Variants in GRIN3A observed in about 807,000 individuals in gnomAD.
GRIN3A encodes the protein glutamate receptor ionotropic, NMDA 3A.
Under a neutral mutation model 92.4 loss-of-function variants are expected in GRIN3A, and 47 were observed. The ratio of observed to expected loss-of-function variants is 0.51; its 90% CI spans 0.40 to 0.65. The LOEUF is 0.65. GRIN3A is among the 30% of genes least tolerant of loss of function. The probability of loss-of-function intolerance (pLI) is 0.00; values close to 1 mark genes in which losing one functional copy is unlikely to be tolerated. For synonymous variants in GRIN3A, 527 were observed against 540.6 expected (o/e 0.97, Z 0.35); for missense variants, 1,324 against 1,393.1 (o/e 0.95, Z 0.79).
chr9:101,633,564 G>A (rs1004815886), intron 3 of GRIN3A, among the ~76,000 whole-genome samples: 3 of 152,184 alleles, frequency 2.0e-5, no homozygotes, highest in Non-Finnish European at 4.4e-5. Flanking sequence ...ACAGCCATGG[G>A]CAAGTGAGCA....
chr9:101,650,805 C>A (rs1564135594), intron 3 of GRIN3A, among the ~76,000 whole-genome samples: 1 of 151,938 alleles, frequency 6.6e-6, no homozygotes, highest in Non-Finnish European at 1.5e-5. Flanking sequence ...TTACCTCTGC[C>A]TGGAATTCCA....
intron 3 of GRIN3A, among the ~76,000 whole-genome samples, chr9:101,633,699 G>C (rs1311800661): frequency 2.0e-5 from 3 of 152,158 alleles, no homozygotes; most frequent in Non-Finnish European, 2.9e-5. Flanking sequence ...AGAATCTAAT[G>C]ATAAATGTAA....
intron 6 of GRIN3A, among the ~76,000 whole-genome samples, chr9:101,610,640 A>C (rs2118842411): frequency 6.7e-6 from 1 of 149,848 alleles, no homozygotes; most frequent in Admixed American, 6.7e-5. Flanking sequence ...ATCTATCTAC[A>C]TTTTTATCCT....
intron 4 of GRIN3A, among the ~76,000 whole-genome samples, 168 bp downstream of exon 4, chr9:101,628,088 A>T (rs1469590721): frequency 6.6e-6 from 1 of 152,206 alleles, no homozygotes. Context: ...AATTAAATAC[A>T]CACTATTTCA....
chr9:101,715,316 G>A (rs1002002163), intron 1 of GRIN3A, among the ~76,000 whole-genome samples: 4 of 152,054 alleles, frequency 2.6e-5, no homozygotes, highest in Admixed American at 2.0e-4. Context: ...CATTACATGG[G>A]AAATACTGGC....
At chr9:101,586,948 C>T (rs1003395016) in intron 6 of GRIN3A, among the ~76,000 whole-genome samples, 1 of 152,158 alleles carries the variant, frequency 6.6e-6, no homozygotes, top group African/African-American at 2.4e-5. Context: ...CTTCATCTGT[C>T]ACTCTCTTTC....
chr9:101,651,636 T>TTGTG (rs57126529), intron 3 of GRIN3A, among the ~76,000 whole-genome samples: 74,235 of 145,732 alleles, frequency 0.51, 18,453 homozygotes, highest in East Asian at 0.6. Context: ...AATAAATCCA[T>TTGTG]TGTGTGTGTG....
chr9:101,617,949 C>A (rs963579663), intron 5 of GRIN3A, among the ~76,000 whole-genome samples: 71 of 151,982 alleles, frequency 4.7e-4, no homozygotes, highest in Non-Finnish European at 8.2e-4. Flanking sequence ...TTTCCAATTT[C>A]ATCCATGTCC....
chr9:101,672,527 T>C (rs1029913131), intron 2 of GRIN3A, among the ~76,000 whole-genome samples: 8 of 152,252 alleles, frequency 5.3e-5, no homozygotes, highest in African/African-American at 1.9e-4. Flanking sequence ...AAAAATCAGA[T>C]GATGTAAGTG....
chr9:101,606,417 A>G (rs1828282183), intron 6 of GRIN3A, among the ~76,000 whole-genome samples: 1 of 152,018 alleles, frequency 6.6e-6, no homozygotes, highest in South Asian at 2.1e-4. Context: ...TCACTGTCGG[A>G]TGGCTGTACC....
chr9:101,598,411 G>C (rs934187260), intron 6 of GRIN3A, among the ~76,000 whole-genome samples: 10 of 152,030 alleles, frequency 6.6e-5, no homozygotes, highest in African/African-American at 2.2e-4. Flanking sequence ...GAATTAATTA[G>C]GTTAAAAAGA....
chr9:101,583,168 C>T lies in GRIN3A; in HGVS notation c.2767-3808G>A, dbSNP rs374865889. On this transcript the variant is annotated intron_variant, in intron 6 of 8. Transcript: ENST00000361820. ...CCCAAGATCATGCAAGCTACTAAGT[C>T]GGGATCCAGGCTGCGGATCCAGGAC... Among the ~76,000 whole-genome samples, 21 of 152,292 alleles carry T rather than the reference C, an allele frequency of 1.4e-4. No individual in the cohort carries two copies. The East Asian group carries it at 2.7e-3, about 20-fold the overall frequency.
intron 3 of GRIN3A, 37 bp downstream of exon 3, chr9:101,670,023 G>T: frequency 1.4e-6 from 2 of 1,406,144 alleles, no homozygotes; most frequent in Non-Finnish European, 2.0e-6. Context: ...GAATTATAAT[G>T]GACAATCAAG....
At chr9:101,649,142 T>A (rs1435465044) in intron 3 of GRIN3A, among the ~76,000 whole-genome samples, 1 of 152,066 alleles carries the variant, frequency 6.6e-6, no homozygotes, top group Non-Finnish European at 1.5e-5. Flanking sequence ...GTCCTGCCAT[T>A]GTTTCACAGT....
At chr9:101,729,715 C>T (rs1830117444) in intron 1 of GRIN3A, among the ~76,000 whole-genome samples, 1 of 152,108 alleles carries the variant, frequency 6.6e-6, no homozygotes, top group African/African-American at 2.4e-5. Flanking sequence ...GGTACTCAGC[C>T]CTACCACACC....
intron 8 of GRIN3A, among the ~76,000 whole-genome samples, chr9:101,575,134 AAC>A (rs772853176): frequency 2.6e-5 from 4 of 152,198 alleles, no homozygotes; most frequent in Non-Finnish European, 4.4e-5. Flanking sequence ...AAGCCATTGA[AAC>A]ACACACTCCA....
At chr9:101,696,989 T>A (rs1031722979) in intron 1 of GRIN3A, among the ~76,000 whole-genome samples, 2 of 152,202 alleles carry the variant, frequency 1.3e-5, no homozygotes, top group Non-Finnish European at 2.9e-5. Flanking sequence ...TGATGTAATA[T>A]GCCTTTTATA....
intron 5 of GRIN3A, among the ~76,000 whole-genome samples, chr9:101,615,620 G>A (rs1193547274): frequency 6.6e-6 from 1 of 152,068 alleles, no homozygotes; most frequent in Non-Finnish European, 1.5e-5. Flanking sequence ...CTCCCAAATT[G>A]CTGGGATTAC....
Position 101,687,342 on chromosome 9 carries a change from A to G in GRIN3A, c.700-142T>C, listed in dbSNP as rs980357762. 1.7e-5 allele frequency: 14 copies of G among 816,786 alleles called. No individual in the cohort carries two copies. In the Admixed American group the frequency reaches 2.9e-4, roughly 17 times the overall value. The allele number at this position is 816,786 out of a possible 1,614,324, so 50.6% of individuals were successfully genotyped here. ...CTGGGATAAAATTCCCATAGTTTGG[A>G]AAACTATGCTTCCTGTCTAATGGAA... On this transcript the variant is annotated intron_variant, in intron 1 of 8. Coordinates refer to ENST00000361820, the MANE Select transcript of GRIN3A (RefSeq NM_133445.3).
Sources: gnomAD v4.1 joint callset for allele counts (sites outside exome capture counted in the v4.1 genomes callset) on GRCh38, gnomAD v4.1.1 for gene constraint, MANE v1.5 for transcripts, NCBI Gene and HGNC (gene_info 2026-07-23, HGNC 2026-07-21) for gene names.